Variants in SEMA4G observed in about 807,000 individuals in gnomAD.
SEMA4G encodes the protein semaphorin 4G.
Under a neutral mutation model 81.2 loss-of-function variants are expected in SEMA4G, and 59 were observed. The observed-to-expected ratio is 0.73, with a 90% CI of 0.59 to 0.90. The LOEUF (loss-of-function observed/expected upper bound fraction) is 0.90, where lower values mean the gene tolerates loss of function less well. SEMA4G is among the 40% of genes least tolerant of loss of function. The pLI is 0.00. For missense variants in SEMA4G, 952 were observed against 1,102.3 expected (o/e 0.86, Z 1.93); for synonymous variants, 404 against 433.9 (o/e 0.93, Z 0.86).
Position 100,977,743 on chromosome 10 carries a change from G to C in SEMA4G, c.435+13G>C. 1 of 1,598,926 alleles carries C rather than the reference G, an allele frequency of 6.3e-7. No homozygotes were observed. Among genetic ancestry groups the C allele is most frequent in the Non-Finnish European group, 8.6e-7 (1 of 1,166,206 alleles). On this transcript the variant is annotated intron_variant, in intron 4 of 13. Transcript: ENST00000370250. ...CTGTGCAGCCATTGTGAGTATACCT[G>C]TGTTGTGCCAGATCTCTGTTGACTT... is the stretch of plus-strand genomic sequence containing the variant.
chr10:100,981,182 A>T (rs764114736), exon 13 of SEMA4G: 1 of 1,614,246 alleles, frequency 6.2e-7, no homozygotes, highest in Non-Finnish European at 8.5e-7. Context: ...GCACTGATAC[A>T]GGACATAGAG....
chr10:100,972,571 G>A, exon 1 of SEMA4G: 1 of 224,064 alleles, frequency 4.5e-6, no homozygotes, highest in Admixed American at 5.5e-5. Context: ...ACTGTCGGGG[G>A]CAGGGTGACC....
chr10:100,977,597 A>T, intron 3 of SEMA4G, 35 bp from the exon 5 acceptor site: 1 of 1,554,178 alleles, frequency 6.4e-7, no homozygotes, highest in Non-Finnish European at 8.9e-7. Context: ...CTAGTCAGGC[A>T]GGGGGCTCAC....
rs374837913 is a variant in SEMA4G at position 100,977,633 on chromosome 10, C to T, written c.338C>T (p.Thr113Met). ...AGCCCTCTCCACCTCATCCCACAGA[C>T]GGAGTGCTTTAACCATGTGCGGTTC... The change falls in exon 4 of 14, where the codon ACG becomes ATG. Residue 113 changes from threonine to methionine, a missense_variant and splice_region_variant. By Grantham distance (81) the Thr-to-Met change is moderately conservative (BLOSUM62 -1). Coordinates refer to ENST00000370250, the Ensembl canonical transcript of SEMA4G. The T allele has an allele frequency of 2.8e-5, 45 of 1,613,548 alleles. No individual in the cohort carries two copies. Among genetic ancestry groups the T allele is most frequent in the Middle Eastern group, 1.6e-4 (1 of 6,084 alleles).
chr10:100,980,852 G>A (rs1851035626), exon 12 of SEMA4G: 1 of 1,596,734 alleles, frequency 6.3e-7, no homozygotes, highest in Non-Finnish European at 8.5e-7. Flanking sequence ...TCCTAGCGGA[G>A]TCATCCAGCT....
intron 8 of SEMA4G, 87 bp from the exon 10 acceptor site, chr10:100,979,761 G>GT: frequency 6.6e-7 from 1 of 1,523,588 alleles, no homozygotes; most frequent in Middle Eastern, 1.8e-4. Flanking sequence ...GTTGGCCAGG[G>GT]TAACAGTGAG....
intron 3 of SEMA4G, among the ~76,000 whole-genome samples, chr10:100,974,058 A>G (rs1217537698): frequency 6.6e-6 from 1 of 151,950 alleles, no homozygotes; most frequent in Non-Finnish European, 1.5e-5. Flanking sequence ...TTACAGATGT[A>G]AGCCATTGCC....
chr10:100,980,666 G>A lies in SEMA4G; in HGVS notation c.1440G>A (p.Val480=), dbSNP rs752147128. 1.9e-5 allele frequency: 31 copies of A among 1,614,076 alleles called. No individual in the cohort carries two copies. The South Asian group carries it at 2.7e-4, about 14-fold the overall frequency. Residue 480 remains valine (V), a synonymous_variant, in exon 11 of 14, where the codon GTG becomes GTA. Transcript: ENST00000370250. ...AAGTGTTCAGGGAGTCCCAGTCTGT[G>A]GAAAATCTAGTCATCTCTCTATTGC...
At chr10:100,971,027 G>C (rs138143302), upstream of SEMA4G, among the ~76,000 whole-genome samples, 247 of 152,322 alleles carry the variant, frequency 1.6e-3, no homozygotes, top group African/African-American at 5.7e-3. Flanking sequence ...GTGGCCCTCT[G>C]TATGAGCATA....
At chr10:100,975,433 A>G (rs1390926114) in intron 3 of SEMA4G, among the ~76,000 whole-genome samples, 1 of 152,220 alleles carries the variant, frequency 6.6e-6, no homozygotes, top group African/African-American at 2.4e-5. Context: ...TTTGGGAAAC[A>G]CTACATGCCC....
At chr10:100,974,981 C>T (rs768028947) in intron 3 of SEMA4G, 1 of 527,384 alleles carries the variant, frequency 1.9e-6, no homozygotes, top group East Asian at 5.5e-5. Flanking sequence ...TCCCAAGATC[C>T]ACTGGGCCAA....
At chr10:100,976,721 G>GT (rs1231492422) in intron 3 of SEMA4G, among the ~76,000 whole-genome samples, 1 of 152,228 alleles carries the variant, frequency 6.6e-6, no homozygotes, top group Non-Finnish European at 1.5e-5. Flanking sequence ...TCAGACAATA[G>GT]TAACAGCAGT....
At chr10:100,984,111 C>A (rs1367130443) in exon 14 of SEMA4G, 31 of 1,611,750 alleles carry the variant, frequency 1.9e-5, no homozygotes, top group Non-Finnish European at 2.5e-5. Flanking sequence ...CGTGGAGCAG[C>A]TAGATGAGAG....
upstream of SEMA4G, among the ~76,000 whole-genome samples, chr10:100,972,336 G>T (rs1850657461): frequency 6.6e-6 from 1 of 151,974 alleles, no homozygotes; most frequent in South Asian, 2.1e-4. Flanking sequence ...GTCTTGTAAG[G>T]AAGGTAAGTT....
At chr10:100,981,145 T>C in intron 12 of SEMA4G, 23 bp from the exon 14 acceptor site, 1 of 1,614,094 alleles carries the variant, frequency 6.2e-7, no homozygotes, top group Non-Finnish European at 8.5e-7. Context: ...CCCTTGTTCA[T>C]AAAACCTGAT....
chr10:100,977,655 G>T, exon 4 of SEMA4G: 1 of 1,614,142 alleles, frequency 6.2e-7, no homozygotes, highest in Non-Finnish European at 8.5e-7. Context: ...ACCATGTGCG[G>T]TTCCTGCAGC....
exon 1 of SEMA4G, chr10:100,972,686 T>C (rs1850666651): frequency 1.9e-6 from 1 of 516,192 alleles, no homozygotes; most frequent in African/African-American, 1.9e-5. Flanking sequence ...TCTGACCTCT[T>C]AGCTGGGGAT....
Position 100,973,701 on chromosome 10 carries a change from A to C in SEMA4G, c.336+92A>C. The C allele has an allele frequency of 8.9e-7, 1 of 1,120,986 alleles. No individual in the cohort carries two copies. 69.4% of individuals were successfully genotyped at this position (1,120,986 alleles called of 1,614,324 possible). On this transcript the variant is annotated intron_variant, in intron 3 of 13. Coordinates refer to ENST00000370250, the Ensembl canonical transcript of SEMA4G. This position sits in a 1 kb window ranked among gnomAD's most constrained non-coding sequence, Gnocchi z 5.5. ...GTTGGGGACACAGATGGGTAGGTAC[A>C]GACCTGCCAGTCAATCTCAGCAACC...
chr10:100,981,811 AC>A (rs2078083371), intron 13 of SEMA4G, among the ~76,000 whole-genome samples: 1 of 152,158 alleles, frequency 6.6e-6, no homozygotes, highest in Non-Finnish European at 1.5e-5. Context: ...TAATCCCAGC[AC>A]TTCGGGAGGC....
Sources: gnomAD v4.1 joint callset for allele counts (sites outside exome capture counted in the v4.1 genomes callset) on GRCh38, gnomAD v4.1.1 for gene constraint, Gnocchi (gnomAD v3.1) non-coding constraint, MANE v1.5 for transcripts, NCBI Gene and HGNC (gene_info 2026-07-23, HGNC 2026-07-21) for gene names.